KIAA1549L: variants seen among roughly 807,000 people sequenced by gnomAD.
KIAA1549L encodes the protein UPF0606 protein KIAA1549L.
KIAA1549L carries 88 observed loss-of-function variants against 160.7 expected under a neutral mutation model. That is an observed-to-expected ratio of 0.55 (90% CI 0.46 to 0.65). The LOEUF (loss-of-function observed/expected upper bound fraction) is 0.65, where lower values mean the gene tolerates loss of function less well. KIAA1549L is among the 30% of genes least tolerant of loss of function. KIAA1549L has a pLI of 0.00. For synonymous variants in KIAA1549L, 950 were observed against 976.7 expected (o/e 0.97, Z 0.51); for missense variants, 2,258 against 2,437.5 (o/e 0.93, Z 1.55).
intron 13 of KIAA1549L, among the ~76,000 whole-genome samples, chr11:33,602,430 T>C (rs7115067): frequency 0.075 from 11,383 of 152,274 alleles, 1,418 homozygotes; most frequent in African/African-American, 0.26. Flanking sequence ...AATGATGCTA[T>C]TATAGATTGT....
intron 16 of KIAA1549L, among the ~76,000 whole-genome samples, chr11:33,640,679 G>C (rs1157374952): frequency 6.6e-6 from 1 of 152,224 alleles, no homozygotes; most frequent in Non-Finnish European, 1.5e-5. Flanking sequence ...GTTAACGGTA[G>C]TTATTTCTGG....
intron 1 of KIAA1549L, among the ~76,000 whole-genome samples, chr11:33,399,963 A>G (rs1429148017): frequency 1.3e-5 from 2 of 152,024 alleles, no homozygotes; most frequent in African/African-American, 4.8e-5. Flanking sequence ...AAAGGAGCTG[A>G]CTCCGCTCAT....
intron 1 of KIAA1549L, among the ~76,000 whole-genome samples, chr11:33,449,072 G>T (rs1405934514): frequency 6.6e-6 from 1 of 152,136 alleles, no homozygotes; most frequent in Admixed American, 6.5e-5. Context: ...TCTTAAATTG[G>T]AATAAAAAGT....
At position 33,574,790 on chromosome 11, in the gene KIAA1549L, C is replaced by G; in HGVS notation, c.4319C>G (p.Thr1440Ser). The G allele has an allele frequency of 6.2e-7, 1 of 1,614,008 alleles. No homozygotes were observed. The highest frequency in any genetic ancestry group is 8.5e-7 in the Non-Finnish European group (1 of 1,179,858). Residue 1440 changes from threonine to serine, a missense_variant, in exon 10 of 21, where the codon ACC becomes AGC. Physicochemically the swap from Thr to Ser is moderately conservative, Grantham distance 58 (BLOSUM62 1). Transcript: ENST00000658780. ...TACAACGGGAAGCCTTTGTTGGGGA[C>G]CGCAGCTGCCAAGATCCTGAGCACC... ...TLYNGKPLLG[T>S]AAAKILSTID...
intron 1 of KIAA1549L, among the ~76,000 whole-genome samples, chr11:33,505,977 CA>C (rs1328068771): frequency 2.0e-5 from 3 of 152,132 alleles, no homozygotes; most frequent in Non-Finnish European, 4.4e-5. Context: ...TTATTTTCAT[CA>C]ATACCATAAT....
intron 6 of KIAA1549L, among the ~76,000 whole-genome samples, chr11:33,554,936 C>T (rs1297664478): frequency 6.6e-6 from 1 of 152,118 alleles, no homozygotes; most frequent in Non-Finnish European, 1.5e-5. Context: ...AGGTTAGAGG[C>T]TACAGGAATC....
chr11:33,544,240 TATC>T lies in KIAA1549L; in HGVS notation c.2679_2681del (p.His894del). ...CACACCATTCCAGAACATCTTGGGA[TATC>T]ACTCTGCTGCTGAATCTTCTATATC... On this transcript the variant is annotated inframe_deletion, in exon 2 of 21. Transcript: ENST00000658780. 6.2e-7 allele frequency: 1 copy of T among 1,614,032 alleles called. No homozygotes were observed. Among genetic ancestry groups the T allele is most frequent in the Non-Finnish European group, 8.5e-7 (1 of 1,179,886 alleles).
At chr11:33,386,823 G>A (rs1850182321) in intron 1 of KIAA1549L, among the ~76,000 whole-genome samples, 1 of 149,234 alleles carries the variant, frequency 6.7e-6, no homozygotes, top group Non-Finnish European at 1.5e-5. Context: ...TAAAATAATA[G>A]GGGCCAGATG....
At chr11:33,604,965 A>G (rs370725585) in intron 13 of KIAA1549L, among the ~76,000 whole-genome samples, 2 of 152,296 alleles carry the variant, frequency 1.3e-5, no homozygotes, top group African/African-American at 4.8e-5. Context: ...AAAAAGAGAA[A>G]AATGAAAATA....
chr11:33,376,491 G>A lies in KIAA1549L; in HGVS notation c.-161G>A, dbSNP rs1849954965. On this transcript the variant is annotated 5_prime_UTR_variant, in exon 1 of 21. Coordinates refer to ENST00000658780, the MANE Select transcript of KIAA1549L (RefSeq NM_012194.3). This position sits in a 1 kb window ranked among gnomAD's most constrained non-coding sequence, Gnocchi z 5.8. The stretch of plus-strand genomic sequence containing the variant: ...GCCGCGGCTCCCTGGAGCCCGCCCC[G>A]GGCGCGGCAGGACGAGCGAGCCAGT... The A allele has an allele frequency of 6.8e-6, 1 of 147,842 alleles. No individual in the cohort carries two copies. Among genetic ancestry groups the A allele is most frequent in the Admixed American group, 6.7e-5 (1 of 14,920 alleles). The allele number at this position is 147,842 out of a possible 1,614,324, so 9.2% of individuals were successfully genotyped here.
intron 1 of KIAA1549L, among the ~76,000 whole-genome samples, chr11:33,540,786 A>G (rs796676433): frequency 9.8e-5 from 15 of 152,286 alleles, no homozygotes; most frequent in African/African-American, 3.4e-4. Flanking sequence ...CACCCCAATG[A>G]TCCTGATCTG....
At chr11:33,612,539 G>A (rs1850674981) in intron 15 of KIAA1549L, among the ~76,000 whole-genome samples, 3 of 152,048 alleles carry the variant, frequency 2.0e-5, no homozygotes, top group Admixed American at 2.0e-4. Flanking sequence ...TTACAGGCGT[G>A]AGCCACTGCG....
chr11:33,663,660 C>T (rs536177225), intron 20 of KIAA1549L, among the ~76,000 whole-genome samples: 1 of 152,290 alleles, frequency 6.6e-6, no homozygotes, highest in South Asian at 2.1e-4. Context: ...GTGGTAGCTT[C>T]CTTCTCAAAA....
Position 33,542,504 on chromosome 11 carries a change from A to G in KIAA1549L, c.941A>G (p.His314Arg). The G allele has an allele frequency of 6.2e-7, 1 of 1,613,836 alleles. No homozygotes were observed. The highest frequency in any genetic ancestry group is 8.5e-7 in the Non-Finnish European group (1 of 1,179,824). ...QNAQDLIGIPHLGVSGSSTKW... is the reference protein window; with the variant it reads ...QNAQDLIGIPRLGVSGSSTKW... ...GCCCAGGATCTCATAGGCATCCCTC[A>G]TCTAGGTGTTTCTGGATCCTCAACA... Residue 314 changes from histidine (H) to arginine (R), a missense_variant, in exon 2 of 21, where the codon CAT becomes CGT. Physicochemically the swap from His to Arg is conservative, Grantham distance 29 (BLOSUM62 0). Transcript: ENST00000658780.
intron 13 of KIAA1549L, among the ~76,000 whole-genome samples, chr11:33,605,150 TTTTTGTTTTGTTTTGTTTTGTTTTG>T (rs71457310): frequency 6.7e-6 from 1 of 149,812 alleles, no homozygotes; most frequent in Admixed American, 6.7e-5. Flanking sequence ...AAGTCATGAG[TTTTTGTTTTGTTTTGTTTTGTTTTG>T]TTTTGTTTTG....
intron 1 of KIAA1549L, among the ~76,000 whole-genome samples, chr11:33,410,412 C>T (rs774594369): frequency 6.6e-6 from 1 of 152,094 alleles, no homozygotes; most frequent in Non-Finnish European, 1.5e-5. Context: ...CTAGGCAGCG[C>T]CTAGAAAACC....
chr11:33,528,793 A>G (rs1300180704), intron 1 of KIAA1549L, among the ~76,000 whole-genome samples: 2 of 152,320 alleles, frequency 1.3e-5, no homozygotes, highest in East Asian at 3.9e-4. Flanking sequence ...CAAAGGCAGA[A>G]GAATGATATA....
intron 17 of KIAA1549L, among the ~76,000 whole-genome samples, chr11:33,648,699 G>T (rs1851794880): frequency 6.6e-6 from 1 of 151,682 alleles, no homozygotes; most frequent in Non-Finnish European, 1.5e-5. Flanking sequence ...ACTCTGTGAA[G>T]AAATTGGACT....
At chr11:33,446,346 C>T (rs913260255) in intron 1 of KIAA1549L, among the ~76,000 whole-genome samples, 2 of 152,156 alleles carry the variant, frequency 1.3e-5, no homozygotes, top group African/African-American at 2.4e-5. Flanking sequence ...CCGCCCATCT[C>T]GGCCTCCCAA....
Sources: gnomAD v4.1 joint callset for allele counts (sites outside exome capture counted in the v4.1 genomes callset) on GRCh38, gnomAD v4.1.1 for gene constraint, Gnocchi (gnomAD v3.1) non-coding constraint, MANE v1.5 for transcripts, NCBI Gene and HGNC (gene_info 2026-07-23, HGNC 2026-07-21) for gene names.